CSAG1: variants seen among roughly 807,000 people sequenced by gnomAD.
The protein encoded by CSAG1 is chondrosarcoma-associated gene 1 protein.
CSAG1 carries 4 observed loss-of-function variants against 4.8 expected under a neutral mutation model. The ratio of observed to expected loss-of-function variants is 0.83; its 90% CI spans 0.41 to 1.90. CSAG1 has a LOEUF of 1.90. Ranked by LOEUF, CSAG1 falls within the 40% of genes most tolerant of loss-of-function variation. CSAG1 has a pLI of 0.03. For synonymous variants in CSAG1, 21 were observed against 23.1 expected, an observed-to-expected ratio of 0.91 and a Z score of 0.26; for missense variants, 69 against 59.5, an observed-to-expected ratio of 1.16 and a Z score of -0.53.
rs1412368727 is a variant in CSAG1, at chrX:152,733,713, C to A, written c.-90G>T. The A allele has an allele frequency of 9.0e-6, 1 of 111,386 alleles. No individual in the cohort carries two copies. The highest frequency in any genetic ancestry group is 1.9e-5 in the Non-Finnish European group (1 of 53,001). The allele number at this position is 111,386 out of a possible 1,213,427, so 9.2% of individuals were successfully genotyped here. ...CCATCCAGGAAGAATCCAGTTCCAC[C>A]CCTGCTGTGAACCCAGGGAAGTCAC... On this transcript the variant is annotated 5_prime_UTR_variant, in exon 1 of 4. Coordinates refer to ENST00000452779, the MANE Select transcript of CSAG1 (RefSeq NM_001102576.3).
chrX:152,729,341 A>G (rs1453628674), intron 2 of CSAG1, among the ~76,000 whole-genome samples: 1 of 112,481 alleles, frequency 8.9e-6, no homozygotes, highest in Non-Finnish European at 1.9e-5. Context: ...CACCAAAAGC[A>G]TGATCAAGGA....
chrX:152,730,772 C>T lies in CSAG1; in HGVS notation c.16+1673G>A, dbSNP rs1176978117. 3.6e-5 allele frequency among the ~76,000 whole-genome samples: 4 copies of T among 112,022 alleles called. No homozygotes were observed. In the Admixed American group the frequency reaches 3.8e-4, roughly 11 times the overall value. On this transcript the variant is annotated intron_variant, in intron 2 of 3. Coordinates refer to ENST00000452779, the MANE Select transcript of CSAG1 (RefSeq NM_001102576.3). ...AAAGAGTGAAGCTTAATGTATGTAACGTCTAAAAGTAACTTAAGAGGTTGG... is the reference window on the plus strand; with the variant it reads ...AAAGAGTGAAGCTTAATGTATGTAATGTCTAAAAGTAACTTAAGAGGTTGG...
chrX:152,731,346 C>A (rs1273038509), intron 2 of CSAG1, among the ~76,000 whole-genome samples: 24 of 111,863 alleles, frequency 2.1e-4, no homozygotes, highest in Non-Finnish European at 2.8e-4. Context: ...CATCAGTAAC[C>A]AAACTGATCC....
intron 2 of CSAG1, among the ~76,000 whole-genome samples, chrX:152,729,391 CAT>C (rs1204510364): frequency 8.9e-6 from 1 of 112,257 alleles, no homozygotes; most frequent in Non-Finnish European, 1.9e-5. Context: ...AAATAAACAT[CAT>C]GTGCTCTTCA....
rs1341193447 is a variant in CSAG1 at position 152,727,660 on chromosome X, G to A, written c.*134C>T. The A allele has an allele frequency of 6.8e-5, 54 of 796,085 alleles. No individual in the cohort carries two copies. In the African/African-American group the frequency reaches 1.0e-3, roughly 15 times the overall value. 65.6% of individuals were successfully genotyped at this position (796,085 alleles called of 1,213,427 possible). A position where few individuals can be genotyped will look rare whatever the true frequency, so the allele number is the denominator to read the frequency against. On this transcript the variant is annotated 3_prime_UTR_variant, in exon 4 of 4. Transcript: ENST00000452779. ...TTACTGGCTGCCCAAGGAAGCACTG[G>A]AGAAGGCGGTGGTCTCCTTGCCCTT...
chrX:152,730,404 T>G (rs1321538894), intron 2 of CSAG1, among the ~76,000 whole-genome samples: 3 of 111,680 alleles, frequency 2.7e-5, no homozygotes, highest in African/African-American at 9.7e-5. Context: ...GTGATGGTAT[T>G]AGGTAGAAGG....
intron 2 of CSAG1, among the ~76,000 whole-genome samples, chrX:152,730,190 A>G (rs1478070036): frequency 9.2e-5 from 10 of 109,109 alleles, no homozygotes; most frequent in African/African-American, 3.4e-4. Context: ...TACATAGTAT[A>G]CGAGTCTATT....
intron 2 of CSAG1, among the ~76,000 whole-genome samples, chrX:152,732,083 T>A (rs782133499): frequency 1.8e-5 from 2 of 112,341 alleles, no homozygotes; most frequent in Non-Finnish European, 3.8e-5. Context: ...AATACCATTA[T>A]CGATCTTGAA....
rs1556830403 is a variant in CSAG1, at chrX:152,727,524, G to A, written c.*270C>T. On this transcript the variant is annotated 3_prime_UTR_variant, in exon 4 of 4. Coordinates refer to ENST00000452779, the MANE Select transcript of CSAG1 (RefSeq NM_001102576.3). The stretch of plus-strand genomic sequence containing the variant: ...TTCATTTTATTTCCATCACCATGGG[G>A]CATACCCTTTGGGGTGTAAAACGTA... The A allele has an allele frequency of 4.5e-5, 19 of 419,537 alleles. No homozygotes were observed. Among genetic ancestry groups the A allele is most frequent in the African/African-American group, 1.5e-4 (6 of 39,777 alleles). 34.6% of individuals were successfully genotyped at this position (419,537 alleles called of 1,213,427 possible). A position where few individuals can be genotyped will look rare whatever the true frequency, so the allele number is the denominator to read the frequency against.
intron 2 of CSAG1, among the ~76,000 whole-genome samples, chrX:152,731,739 G>A (rs781972164): frequency 2.8e-5 from 3 of 105,615 alleles, no homozygotes; most frequent in Non-Finnish European, 5.9e-5. Context: ...AAAAAAAAAC[G>A]GTTTCATTGT....
chrX:152,730,775 C>T (rs1251251489), intron 2 of CSAG1, among the ~76,000 whole-genome samples: 5 of 112,047 alleles, frequency 4.5e-5, no homozygotes, highest in Non-Finnish European at 7.5e-5. Context: ...TATGTAACGT[C>T]TAAAAGTAAC....
intron 2 of CSAG1, among the ~76,000 whole-genome samples, chrX:152,728,686 T>C (rs1274450004): frequency 2.7e-5 from 3 of 112,204 alleles, no homozygotes; most frequent in African/African-American, 9.7e-5. Flanking sequence ...AGTTTTGAAG[T>C]CTGGAAGTCC....
intron 2 of CSAG1, among the ~76,000 whole-genome samples, chrX:152,731,820 G>A (rs1932161790): frequency 9.0e-6 from 1 of 111,355 alleles, no homozygotes; most frequent in African/African-American, 3.3e-5. Context: ...GCTTTTTAAA[G>A]ACATTTAATG....
intron 2 of CSAG1, 89 bp downstream of exon 2, chrX:152,732,356 A>G: frequency 9.1e-7 from 1 of 1,099,293 alleles, no homozygotes; most frequent in Non-Finnish European, 1.2e-6. Context: ...CTTGACATAC[A>G]TAGAGGAGTA....
At chrX:152,729,563 C>A (rs1556831433) in intron 2 of CSAG1, among the ~76,000 whole-genome samples, 9 of 112,246 alleles carry the variant, frequency 8.0e-5, no homozygotes, top group African/African-American at 2.9e-4. Flanking sequence ...ACACACACTA[C>A]ACAAAAGAAG....
intron 2 of CSAG1, among the ~76,000 whole-genome samples, chrX:152,729,990 G>GA (rs1932120049): frequency 2.1e-4 from 7 of 34,141 alleles, no homozygotes; most frequent in South Asian, 2.5e-3. Context: ...TTGGTGAATG[G>GA]ATTATATATA....
chrX:152,731,768 T>A (rs1603456864), intron 2 of CSAG1, among the ~76,000 whole-genome samples: 1 of 108,176 alleles, frequency 9.2e-6, no homozygotes, highest in South Asian at 3.9e-4. Context: ...ACATACAAAA[T>A]GGAGGAGAAA....
At chrX:152,733,572 T>TCC (rs1932212761) in intron 1 of CSAG1, 96 bp downstream of exon 1, 1 of 52,732 alleles carries the variant, frequency 1.9e-5, no homozygotes. Flanking sequence ...CAAAGGCCCC[T>TCC]CCCACCCCCA....
At position 152,728,244 on chromosome X, in the gene CSAG1, T is replaced by C; in HGVS notation, c.17-20A>G. On this transcript the variant is annotated intron_variant, in intron 2 of 3. Transcript: ENST00000452779. ...AGCAGGCTAGAAACTCACACGACATTATTATGTTAGTCTTGTGGTAGAATT... is the reference window on the plus strand; with the variant it reads ...AGCAGGCTAGAAACTCACACGACATCATTATGTTAGTCTTGTGGTAGAATT... The C allele has an allele frequency of 8.4e-7, 1 of 1,193,496 alleles. No individual in the cohort carries two copies. Among genetic ancestry groups the C allele is most frequent in the South Asian group, 1.8e-5 (1 of 56,502 alleles).
Sources: allele counts gnomAD v4.1 joint callset (sites outside exome capture counted in the v4.1 genomes callset), GRCh38; gene constraint gnomAD v4.1.1; transcripts MANE v1.5; gene names NCBI Gene and HGNC (gene_info 2026-07-23, HGNC 2026-07-21).